The following FAM110B variants were observed in gnomAD, a reference collection of about 807,000 sequenced individuals.
FAM110B encodes protein FAM110B.
FAM110B carries 6 observed loss-of-function variants against 20.4 expected under a neutral mutation model. The observed-to-expected ratio is 0.29, with a 90% confidence interval of 0.16 to 0.58. FAM110B has a LOEUF of 0.58. FAM110B is among the 20% of genes least tolerant of loss of function. The pLI is 0.90. For missense variants in FAM110B, 434 were observed against 498.2 expected (o/e 0.87, Z 1.23); for synonymous variants, 226 against 214.1 (o/e 1.06, Z -0.49).
chr8:58,091,472 T>C (rs1265029829), intron 3 of FAM110B: 1 of 152,090 alleles, frequency 6.6e-6, no homozygotes, highest in Non-Finnish European at 1.5e-5. Context: ...CACAACCCCA[T>C]GAAGGGTTTT....
chr8:58,043,923 C>G (rs1056079150), intron 2 of FAM110B, among the ~76,000 whole-genome samples: 1 of 152,188 alleles, frequency 6.6e-6, no homozygotes, highest in Non-Finnish European at 1.5e-5. Context: ...CAGACTGATT[C>G]TAGAATTCCC....
intron 2 of FAM110B, among the ~76,000 whole-genome samples, chr8:58,045,596 TTTCA>T (rs1805304726): frequency 6.6e-6 from 1 of 152,190 alleles, no homozygotes; most frequent in South Asian, 2.1e-4. Flanking sequence ...GCCACCCAGG[TTTCA>T]TCTGACAGAC....
At chr8:58,140,603 G>T (rs1563384026) in intron 3 of FAM110B, among the ~76,000 whole-genome samples, 1 of 152,144 alleles carries the variant, frequency 6.6e-6, no homozygotes, top group South Asian at 2.1e-4. Context: ...TGCAGCCAGG[G>T]GAGTTTAAAA....
rs182768581 is a variant in FAM110B, at chr8:58,133,337, A to G, written c.-324-12570A>G. On this transcript the variant is annotated intron_variant, in intron 3 of 3. Coordinates refer to ENST00000519262, the MANE Select transcript of FAM110B (RefSeq NM_001377989.1). ...TATCTTGGGGCAAAGGCACATCCTG[A>G]ACTAAACACATGTCACACGAGAATC... Among the ~76,000 whole-genome samples the G allele has an allele frequency of 3.9e-5, 6 of 152,054 alleles. No homozygotes were observed. In the East Asian group the frequency reaches 1.2e-3, roughly 30 times the overall value.
intron 3 of FAM110B, among the ~76,000 whole-genome samples, chr8:58,102,021 A>C (rs1806790550): frequency 6.6e-6 from 1 of 152,194 alleles, no homozygotes; most frequent in African/African-American, 2.4e-5. Context: ...GGGAAAGGAA[A>C]TCTTCCATAT....
intron 3 of FAM110B, among the ~76,000 whole-genome samples, chr8:58,092,882 A>G (rs1393389165): frequency 1.3e-5 from 2 of 152,084 alleles, no homozygotes; most frequent in African/African-American, 4.8e-5. Flanking sequence ...AAGCATTCCT[A>G]TTTCTCCACA....
chr8:58,018,622 T>C (rs1369599852), intron 1 of FAM110B, among the ~76,000 whole-genome samples: 1 of 152,210 alleles, frequency 6.6e-6, no homozygotes, highest in Admixed American at 6.5e-5. Context: ...ACAATGATAT[T>C]AGACATTGAT....
At chr8:58,008,775 G>A (rs566640620) in intron 1 of FAM110B, among the ~76,000 whole-genome samples, 8 of 152,326 alleles carry the variant, frequency 5.3e-5, no homozygotes, top group African/African-American at 1.9e-4. Flanking sequence ...TGAGCTCCAT[G>A]AGTGGGAGAG....
chr8:58,016,285 T>G (rs1283397065), intron 1 of FAM110B, among the ~76,000 whole-genome samples: 2 of 152,232 alleles, frequency 1.3e-5, no homozygotes, highest in East Asian at 3.8e-4. Flanking sequence ...ACGCCAAAAC[T>G]TAGTGGCTCA....
intron 1 of FAM110B, among the ~76,000 whole-genome samples, chr8:58,006,923 A>ATATATATTTTTTTT: frequency 4.0e-5 from 5 of 126,530 alleles, no homozygotes; most frequent in African/African-American, 9.1e-5. Flanking sequence ...ATATATATAT[A>ATATATATTTTTTTT]TTTTTCCAAA....
intron 3 of FAM110B, among the ~76,000 whole-genome samples, chr8:58,085,594 G>A (rs1806311372): frequency 6.6e-6 from 1 of 152,212 alleles, no homozygotes; most frequent in African/African-American, 2.4e-5. Context: ...AGAGATGTTT[G>A]TATTGAACTT....
At chr8:58,049,910 C>T (rs1314407103) in intron 2 of FAM110B, among the ~76,000 whole-genome samples, 3 of 152,116 alleles carry the variant, frequency 2.0e-5, no homozygotes. Context: ...TAAGCATTTA[C>T]AAAGGATCCT....
chr8:58,132,363 C>A (rs1228576088), intron 3 of FAM110B, among the ~76,000 whole-genome samples: 1 of 151,916 alleles, frequency 6.6e-6, no homozygotes, highest in Non-Finnish European at 1.5e-5. Context: ...TGGCATCGTA[C>A]AGGCTGGGGG....
chr8:57,998,210 A>G (rs1804223061), intron 1 of FAM110B, among the ~76,000 whole-genome samples: 1 of 152,222 alleles, frequency 6.6e-6, no homozygotes, highest in African/African-American at 2.4e-5. Context: ...ATACCTTGTT[A>G]AAGATCACTT....
intron 1 of FAM110B, among the ~76,000 whole-genome samples, chr8:58,022,911 C>A (rs1029788770): frequency 2.0e-5 from 3 of 152,182 alleles, no homozygotes; most frequent in African/African-American, 7.2e-5. Flanking sequence ...GAAAGCCCTG[C>A]CCTCGCAGGT....
chr8:58,082,703 C>A (rs1444641235), intron 3 of FAM110B, among the ~76,000 whole-genome samples: 1 of 152,062 alleles, frequency 6.6e-6, no homozygotes, highest in Non-Finnish European at 1.5e-5. Context: ...TGGGGCTGGG[C>A]ACAGTGGCTC....
chr8:58,049,031 G>T (rs968023466), intron 2 of FAM110B, among the ~76,000 whole-genome samples: 1 of 152,138 alleles, frequency 6.6e-6, no homozygotes, highest in Non-Finnish European at 1.5e-5. Flanking sequence ...TATTGTGTGT[G>T]TGTTTTTTCT....
intron 2 of FAM110B, among the ~76,000 whole-genome samples, chr8:58,050,904 C>G (rs529818983): frequency 1.3e-5 from 2 of 152,294 alleles, no homozygotes; most frequent in Admixed American, 6.5e-5. Flanking sequence ...AGTTAAAATG[C>G]TTGGGAAATG....
intron 3 of FAM110B, among the ~76,000 whole-genome samples, chr8:58,102,420 T>C (rs542334798): frequency 5.8e-4 from 88 of 152,346 alleles, no homozygotes; most frequent in African/African-American, 2.1e-3. Flanking sequence ...TGATCTTCAA[T>C]GAAATTACTC....
Sources: gnomAD v4.1 joint callset for allele counts (sites outside exome capture counted in the v4.1 genomes callset) on GRCh38, gnomAD v4.1.1 for gene constraint, MANE v1.5 for transcripts, NCBI Gene and HGNC (gene_info 2026-07-23, HGNC 2026-07-21) for gene names.